Variants in PIWIL2 observed in about 807,000 individuals in gnomAD.
The protein encoded by PIWIL2 is piwi like RNA-mediated gene silencing 2, also known as piwi-like protein 2.
In PIWIL2, 81 loss-of-function variants were observed where a neutral mutation model predicts 116.5. The observed-to-expected ratio is 0.70, with a 90% CI of 0.58 to 0.84. The LOEUF (loss-of-function observed/expected upper bound fraction) is 0.84, where lower values mean the gene tolerates loss of function less well. PIWIL2 is among the 40% of genes least tolerant of loss of function. The pLI is 0.00. For synonymous variants in PIWIL2, 489 were observed against 429.5 expected, an observed-to-expected ratio of 1.14 and a Z score of -1.71; for missense variants, 1,272 against 1,212.3, an observed-to-expected ratio of 1.05 and a Z score of -0.73.
rs1830720207 is a variant in PIWIL2 at position 22,289,910 on chromosome 8, G to A, written c.1050G>A (p.Met350Ile). Residue 350 changes from methionine (M) to isoleucine (I), a missense_variant, in exon 9 of 23, where the codon ATG becomes ATA. Met to Ile is a conservative substitution (Grantham distance 10). Transcript: ENST00000356766. Reference sequence around the variant, plus strand: ...ACTTTTATGACCCTACAAGTGCTATGGTACTACAGCAACACAGGTTGGTAC... The same window carrying A: ...ACTTTTATGACCCTACAAGTGCTATAGTACTACAGCAACACAGGTTGGTAC... Reference protein sequence around the residue: ...GRNFYDPTSAMVLQQHRLQIW... With the variant: ...GRNFYDPTSAIVLQQHRLQIW... 1 of 1,608,806 alleles carries A rather than the reference G, an allele frequency of 6.2e-7. No homozygotes were observed. The highest frequency in any genetic ancestry group is 2.2e-5 in the East Asian group (1 of 44,816).
intron 20 of PIWIL2, among the ~76,000 whole-genome samples, chr8:22,324,747 G>C (rs1831683395): frequency 6.6e-6 from 1 of 152,100 alleles, no homozygotes; most frequent in Admixed American, 6.6e-5. Flanking sequence ...TTAAAATGAG[G>C]TCATTAGAAT....
chr8:22,345,113 G>A (rs998531635), intron 20 of PIWIL2, among the ~76,000 whole-genome samples: 1 of 152,240 alleles, frequency 6.6e-6, no homozygotes, highest in African/African-American at 2.4e-5. Flanking sequence ...GGGAGTTTAA[G>A]GCTATAGTGT....
intron 5 of PIWIL2, 67 bp from the exon 6 acceptor site, chr8:22,284,095 G>T (rs1830577174): frequency 2.7e-6 from 2 of 747,678 alleles, no homozygotes; most frequent in Admixed American, 2.6e-5. Context: ...TTGGTTGTGT[G>T]GGTTGGTTAG....
At chr8:22,285,916 A>G (rs1563350452) in intron 6 of PIWIL2, among the ~76,000 whole-genome samples, 1 of 152,122 alleles carries the variant, frequency 6.6e-6, no homozygotes, top group Non-Finnish European at 1.5e-5. Context: ...AAGTGCTGGG[A>G]TTACCGGCAT....
At chr8:22,295,016 T>C (rs1334352753) in intron 10 of PIWIL2, among the ~76,000 whole-genome samples, 1 of 150,940 alleles carries the variant, frequency 6.6e-6, no homozygotes, top group African/African-American at 2.4e-5. Flanking sequence ...GAGGTGGAGG[T>C]TGCAGTGAGC....
At chr8:22,344,191 A>G (rs1832174190) in intron 20 of PIWIL2, among the ~76,000 whole-genome samples, 1 of 152,358 alleles carries the variant, frequency 6.6e-6, no homozygotes, top group African/African-American at 2.4e-5. Context: ...ATGTGGTGAC[A>G]GTAAAAAGTG....
rs370526953 is a variant in PIWIL2, at chr8:22,283,059, G to T, written c.451G>T (p.Ala151Ser). ...GACGCTTGGAAGAGGGAGTTCAGAT[G>T]CGTCTTTATTACCACTGGGAAGAGC... The part of the protein sequence containing the change: ...SRTLGRGSSD[A>S]SLLPLGRAAG... Residue 151 changes from alanine to serine, a missense_variant, in exon 5 of 23, where the codon GCG becomes TCG. Coordinates refer to ENST00000356766, the MANE Select transcript of PIWIL2 (RefSeq NM_018068.5). 6.2e-7 allele frequency: 1 copy of T among 1,614,066 alleles called. No homozygotes were observed. The highest frequency in any genetic ancestry group is 8.5e-7 in the Non-Finnish European group (1 of 1,180,022).
chr8:22,292,475 A>G (rs1482518353), intron 10 of PIWIL2, among the ~76,000 whole-genome samples: 2 of 152,198 alleles, frequency 1.3e-5, no homozygotes, highest in African/African-American at 4.8e-5. Context: ...TGCATGTGGG[A>G]TAAGAGAAAG....
intron 16 of PIWIL2, among the ~76,000 whole-genome samples, chr8:22,313,175 C>G (rs905612081): frequency 2.0e-5 from 3 of 152,162 alleles, no homozygotes; most frequent in Non-Finnish European, 4.4e-5. Context: ...TATCTCATAG[C>G]GGCCTTGCTC....
intron 20 of PIWIL2, among the ~76,000 whole-genome samples, chr8:22,351,157 A>G (rs939269020): frequency 2.0e-5 from 3 of 151,684 alleles, no homozygotes; most frequent in Non-Finnish European, 4.4e-5. Flanking sequence ...TTTCAAAAAA[A>G]AATAATTAAT....
rs756686600 is a variant in PIWIL2, at chr8:22,284,219, C to T, written c.690C>T (p.Leu230=). The T allele has an allele frequency of 2.4e-5, 39 of 1,606,400 alleles. No homozygotes were observed. Among genetic ancestry groups the T allele is most frequent in the Non-Finnish European group, 3.0e-5 (35 of 1,176,088 alleles). The change falls in exon 6 of 23, where the codon CTC becomes CTT. Residue 230 remains leucine (L), a synonymous_variant. Transcript: ENST00000356766. ...CACCTCAGTCTTTGGGACTGAACCT[C>T]GTCAAAATACAGTGTCATAATGAAG... The part of the protein sequence containing the change: ...KGTPQSLGLN[L]VKIQCHNEAV...
At position 22,287,523 on chromosome 8, in the gene PIWIL2, T is replaced by C. The variant is rs1830655776; in HGVS notation, c.744-5T>C. Reference sequence around the variant, plus strand: ...TAAAGGAAAATCCTCTTCATTATTTTCCAGCCCCAATGTGGAGTGCAAAAG... The same window carrying C: ...TAAAGGAAAATCCTCTTCATTATTTCCCAGCCCCAATGTGGAGTGCAAAAG... On this transcript the variant is annotated splice_polypyrimidine_tract_variant and splice_region_variant and intron_variant, in intron 6 of 22. Coordinates refer to ENST00000356766, the MANE Select transcript of PIWIL2 (RefSeq NM_018068.5). 1 of 1,593,100 alleles carries C rather than the reference T, an allele frequency of 6.3e-7. No individual in the cohort carries two copies. The highest frequency in any genetic ancestry group is 1.7e-5 in the Admixed American group (1 of 59,980).
intron 10 of PIWIL2, among the ~76,000 whole-genome samples, chr8:22,301,700 C>T (rs932750705): frequency 1.3e-5 from 2 of 149,796 alleles, no homozygotes; most frequent in Non-Finnish European, 3.0e-5. Flanking sequence ...AAATCATTGC[C>T]TAACTCGAGG....
chr8:22,338,691 A>AAAATAAAT lies in PIWIL2; in HGVS notation c.2404-14241_2404-14234dup, dbSNP rs71544880. 1.8e-3 allele frequency among the ~76,000 whole-genome samples: 275 copies of AAAATAAAT among 150,066 alleles called. 3 individuals are homozygous for AAAATAAAT. The highest frequency in any genetic ancestry group is 4.8e-3 in the African/African-American group (195 of 40,836). On this transcript the variant is annotated intron_variant, in intron 20 of 22. Transcript: ENST00000356766. The stretch of plus-strand genomic sequence containing the variant: ...TGGGTGACGGCGAGACTCCATCTCA[A>AAAATAAAT]AAATAAATAAATAAATAAATAAATA...
chr8:22,352,798 T>G, intron 20 of PIWIL2, 161 bp from the exon 21 acceptor site: 2 of 640,462 alleles, frequency 3.1e-6, no homozygotes, highest in Non-Finnish European at 5.2e-6. Context: ...TAGAAATGAT[T>G]AGAAGCTTTT....
At position 22,324,622 on chromosome 8, in the gene PIWIL2, A is replaced by G. The variant is rs191876039; in HGVS notation, c.2403+6347A>G. Among the ~76,000 whole-genome samples the G allele has an allele frequency of 1.1e-4, 17 of 152,332 alleles. No homozygotes were observed. In the East Asian group the frequency reaches 3.1e-3, roughly 28 times the overall value. On this transcript the variant is annotated intron_variant, in intron 20 of 22. Transcript: ENST00000356766. Reference sequence around the variant, plus strand: ...AACTCTAACATGAAGGTTTAAAAGTATAGTTCTTGCTTAGAGCTTGTTATG... The same window carrying G: ...AACTCTAACATGAAGGTTTAAAAGTGTAGTTCTTGCTTAGAGCTTGTTATG...
At chr8:22,298,914 A>T (rs1437932681) in intron 10 of PIWIL2, among the ~76,000 whole-genome samples, 1 of 152,204 alleles carries the variant, frequency 6.6e-6, no homozygotes. Context: ...TGGCTGGCTT[A>T]TAGAAACAAG....
At chr8:22,345,893 C>A (rs1220918827) in intron 20 of PIWIL2, among the ~76,000 whole-genome samples, 6 of 152,050 alleles carry the variant, frequency 3.9e-5, no homozygotes, top group Non-Finnish European at 8.8e-5. Flanking sequence ...CCCATGGAGA[C>A]AAAGCGCATT....
rs148334901 is a variant in PIWIL2 at position 22,335,259 on chromosome 8, C to T, written c.2403+16984C>T. On this transcript the variant is annotated intron_variant, in intron 20 of 22. Coordinates refer to ENST00000356766, the MANE Select transcript of PIWIL2 (RefSeq NM_018068.5). ...GCAAAAAGGTAGATGTAAAGATCAC[C>T]TTATTAATAATTACATTAAGTGTAA... Among the ~76,000 whole-genome samples the T allele has an allele frequency of 5.9e-3, 900 of 152,088 alleles. 7 individuals are homozygous for T. Among genetic ancestry groups the T allele is most frequent in the African/African-American group, 0.021 (861 of 41,492 alleles).
Sources: allele counts gnomAD v4.1 joint callset (sites outside exome capture counted in the v4.1 genomes callset), GRCh38; gene constraint gnomAD v4.1.1; transcripts MANE v1.5; gene names NCBI Gene and HGNC (gene_info 2026-07-23, HGNC 2026-07-21).